Variants in ADGRG4 observed in about 807,000 individuals in gnomAD.
ADGRG4 encodes G protein-coupled receptor 112.
A neutral mutation model predicts 126.2 loss-of-function variants in ADGRG4; 122 were observed. The observed-to-expected ratio is 0.97, with a 90% CI of 0.83 to 1.12. ADGRG4 has a LOEUF of 1.12. ADGRG4 is among the 50% of genes most tolerant of loss of function. The pLI is 0.00. For synonymous variants in ADGRG4, 943 were observed against 838.7 expected (o/e 1.12, Z -2.15); for missense variants, 2,481 against 2,251.8 (o/e 1.10, Z -2.06).
rs1260888359 is a variant in ADGRG4 at position 136,347,269 on chromosome X, C to A, written c.3563C>A (p.Pro1188Gln). The A allele has an allele frequency of 8.3e-7, 1 of 1,209,628 alleles. No homozygotes were observed. Among genetic ancestry groups the A allele is most frequent in the Admixed American group, 2.2e-5 (1 of 45,760 alleles). ...EETSTYALSF[P>Q]YTFSGGGVVA... ...ACTTCTACCTATGCTCTCAGCTTCC[C>A]ATATACTTTCAGTGGTGGTGGAGTT... Residue 1188 changes from proline (P) to glutamine (Q), a missense_variant, in exon 6 of 26, where the codon CCA becomes CAA. Pro to Gln is a moderately conservative substitution (Grantham distance 76, BLOSUM62 -1). Transcript: ENST00000394143.
chrX:136,331,261 G>A (rs767290152), intron 5 of ADGRG4, among the ~76,000 whole-genome samples: 1 of 112,104 alleles, frequency 8.9e-6, no homozygotes, highest in East Asian at 2.8e-4. Flanking sequence ...GGACACTTAG[G>A]TTGCTTCCAA....
chrX:136,322,741 A>G (rs1274929460), intron 4 of ADGRG4, 37 bp from the exon 5 acceptor site: 1 of 1,133,516 alleles, frequency 8.8e-7, no homozygotes, highest in Non-Finnish European at 1.2e-6. Flanking sequence ...CAGAAATTTC[A>G]TTTGTTTTCT....
intron 7 of ADGRG4, among the ~76,000 whole-genome samples, chrX:136,352,071 G>A (rs2148470997): frequency 9.0e-6 from 1 of 111,465 alleles, no homozygotes; most frequent in East Asian, 2.8e-4. Flanking sequence ...ATACTGCTCT[G>A]TGCATTAACT....
At chrX:136,365,554 CAT>C (rs1340280254) in intron 13 of ADGRG4, among the ~76,000 whole-genome samples, 2 of 111,880 alleles carry the variant, frequency 1.8e-5, no homozygotes, top group Non-Finnish European at 1.9e-5. Flanking sequence ...TTTATGTAGA[CAT>C]ATGTTTTCAA....
Position 136,345,432 on chromosome X carries a change from G to A in ADGRG4, c.1726G>A (p.Asp576Asn). The stretch of plus-strand genomic sequence containing the variant: ...GACTGAGAGTGTACAGACAGTTATT[G>A]ATGCTGAAGCTACACGTACAGCCTT... ...TGTESVQTVI[D>N]AEATRTALTP... is the part of the protein sequence containing the mutation. Residue 576 changes from aspartate to asparagine, a missense_variant, in exon 6 of 26, where the codon GAT becomes AAT. By Grantham distance (23) the Asp-to-Asn change is conservative (BLOSUM62 1). Transcript: ENST00000394143. The A allele has an allele frequency of 8.3e-7, 1 of 1,208,339 alleles. No individual in the cohort carries two copies. Among genetic ancestry groups the A allele is most frequent in the Non-Finnish European group, 1.1e-6 (1 of 892,663 alleles).
intron 23 of ADGRG4, among the ~76,000 whole-genome samples, chrX:136,411,042 C>T (rs1042156787): frequency 2.6e-4 from 29 of 111,101 alleles, no homozygotes; most frequent in African/African-American, 9.5e-4. Context: ...ATTGGTCCTC[C>T]AGGGAATTTG....
intron 16 of ADGRG4, among the ~76,000 whole-genome samples, chrX:136,388,526 T>C (rs764154928): frequency 4.5e-5 from 5 of 112,328 alleles, no homozygotes; most frequent in Non-Finnish European, 7.5e-5. Context: ...GTAATAAGAA[T>C]TCCTTATAGA....
At chrX:136,363,057 C>T (rs1419828142) in intron 12 of ADGRG4, among the ~76,000 whole-genome samples, 2 of 110,905 alleles carry the variant, frequency 1.8e-5, no homozygotes, top group African/African-American at 6.6e-5. Context: ...GATGGGCCAT[C>T]GAGGGTTCTA....
chrX:136,341,026 C>T (rs900970195), intron 5 of ADGRG4, among the ~76,000 whole-genome samples: 3 of 111,905 alleles, frequency 2.7e-5, no homozygotes, highest in East Asian at 2.8e-4. Flanking sequence ...CATTATTTCT[C>T]GAGATCTCTG....
chrX:136,397,221 C>T (rs753003667), intron 19 of ADGRG4, among the ~76,000 whole-genome samples: 6 of 111,474 alleles, frequency 5.4e-5, no homozygotes, highest in Admixed American at 9.6e-5. Flanking sequence ...CAGATACTGC[C>T]AAATGTCCCT....
intron 4 of ADGRG4, among the ~76,000 whole-genome samples, chrX:136,317,064 C>T (rs1283236768): frequency 9.0e-6 from 1 of 111,721 alleles, no homozygotes; most frequent in African/African-American, 3.3e-5. Context: ...TGAACTTGGA[C>T]TTCCCCATCT....
chrX:136,349,412 T>C lies in ADGRG4; in HGVS notation c.5706T>C (p.Pro1902=), dbSNP rs146235419. 1.3e-4 allele frequency: 160 copies of C among 1,202,369 alleles called. 1 individual carries two copies. The African/African-American group carries it at 2.3e-3, about 17-fold the overall frequency. The change falls in exon 6 of 26, where the codon CCT becomes CCC. Residue 1902 remains proline, a synonymous_variant. Coordinates refer to ENST00000394143, the MANE Select transcript of ADGRG4 (RefSeq NM_153834.4). ...CAATTTCCACCACTATTAATGTACC[T>C]ACATCCAATGAGATGGAAACAGAGA... ...QFPISTTINV[P]TSNEMETETL...
chrX:136,398,755 G>A (rs113092825), intron 20 of ADGRG4, among the ~76,000 whole-genome samples: 5,590 of 111,426 alleles, frequency 0.05, 363 homozygotes, highest in African/African-American at 0.17. Context: ...CTCGCTGTTG[G>A]CCCAGGAATT....
rs2075015233 is a variant in ADGRG4, at chrX:136,346,110, G to A, written c.2404G>A (p.Glu802Lys). ...TTGCATTCAACCAAATTTTTCTACT[G>A]AGGAAAGTGCTTCTGAGACCACACA... Reference protein sequence around the residue: ...LACIQPNFSTEESASETTQTE... With the variant: ...LACIQPNFSTKESASETTQTE... Residue 802 changes from glutamate (E) to lysine (K), a missense_variant, in exon 6 of 26, where the codon GAG becomes AAG. Coordinates refer to ENST00000394143, the MANE Select transcript of ADGRG4 (RefSeq NM_153834.4). The A allele has an allele frequency of 8.3e-7, 1 of 1,208,745 alleles. No homozygotes were observed. The highest frequency in any genetic ancestry group is 1.8e-5 in the African/African-American group (1 of 57,131).
chrX:136,325,992 TG>T (rs1323476883), intron 5 of ADGRG4, among the ~76,000 whole-genome samples: 1 of 112,320 alleles, frequency 8.9e-6, no homozygotes, highest in Non-Finnish European at 1.9e-5. Flanking sequence ...ATTACAGGCG[TG>T]AGCCAATGCA....
intron 11 of ADGRG4, among the ~76,000 whole-genome samples, chrX:136,361,067 G>T (rs1280812433): frequency 9.2e-6 from 1 of 108,971 alleles, no homozygotes; most frequent in East Asian, 2.9e-4. Context: ...CCAGATCTTT[G>T]GGTGGCTGAG....
chrX:136,412,903 C>T (rs2075453767), intron 24 of ADGRG4, among the ~76,000 whole-genome samples: 1 of 111,705 alleles, frequency 9.0e-6, no homozygotes, highest in Non-Finnish European at 1.9e-5. Flanking sequence ...AGGCAAACTG[C>T]TGTTCTATGT....
intron 24 of ADGRG4, among the ~76,000 whole-genome samples, chrX:136,413,598 A>G (rs1486350162): frequency 9.0e-6 from 1 of 111,729 alleles, no homozygotes; most frequent in Non-Finnish European, 1.9e-5. Context: ...AAAAGCAGGC[A>G]TCCTTGGTAT....
intron 4 of ADGRG4, among the ~76,000 whole-genome samples, chrX:136,319,731 CT>C (rs1467166735): frequency 9.1e-6 from 1 of 109,554 alleles, no homozygotes; most frequent in African/African-American, 3.3e-5. Flanking sequence ...ATCTATCTAT[CT>C]ATCTATCTAT....
Sources: gnomAD v4.1 joint callset for allele counts (sites outside exome capture counted in the v4.1 genomes callset) on GRCh38, gnomAD v4.1.1 for gene constraint, MANE v1.5 for transcripts, NCBI Gene and HGNC (gene_info 2026-07-23, HGNC 2026-07-21) for gene names.